Variants in SGCZ observed in about 807,000 individuals in gnomAD.
SGCZ encodes the protein zeta-sarcoglycan.
SGCZ carries 40 observed loss-of-function variants against 41.3 expected under a neutral mutation model. That is an observed-to-expected ratio of 0.97 (90% CI 0.75 to 1.26). The LOEUF is 1.26. Among genes scored for constraint, SGCZ ranks in the 50% most tolerant of loss-of-function variants. The pLI, the probability that SGCZ is intolerant of heterozygous loss-of-function variation, is 0.00. For missense variants in SGCZ, 552 were observed against 369.8 expected, an observed-to-expected ratio of 1.49 and a Z score of -4.04; for synonymous variants, 206 against 137.5, an observed-to-expected ratio of 1.50 and a Z score of -3.49.
intron 1 of SGCZ, among the ~76,000 whole-genome samples, chr8:14,795,883 T>C (rs1242434882): frequency 6.6e-6 from 1 of 152,150 alleles, no homozygotes; most frequent in Non-Finnish European, 1.5e-5. Context: ...TGTCCATATG[T>C]TCTCATTATT....
intron 3 of SGCZ, among the ~76,000 whole-genome samples, chr8:14,313,951 T>C (rs1000316203): frequency 7.0e-6 from 1 of 142,084 alleles, no homozygotes; most frequent in Non-Finnish European, 1.5e-5. Flanking sequence ...TGTGTGTGTG[T>C]GTGTTGGTGG....
At chr8:14,187,295 A>G (rs978136654) in intron 4 of SGCZ, among the ~76,000 whole-genome samples, 2 of 152,258 alleles carry the variant, frequency 1.3e-5, no homozygotes, top group Non-Finnish European at 1.5e-5. Flanking sequence ...ATGTTCAACA[A>G]AATTATGAGA....
chr8:14,148,514 G>A (rs1803597430), intron 5 of SGCZ, among the ~76,000 whole-genome samples: 1 of 151,786 alleles, frequency 6.6e-6, no homozygotes, highest in South Asian at 2.1e-4. Context: ...AGACCAATAA[G>A]AAGTACAAGA....
Position 15,063,139 on chromosome 8 carries a change from C to T in SGCZ, c.39+174446G>A, listed in dbSNP as rs556173359. Among the ~76,000 whole-genome samples the T allele has an allele frequency of 2.5e-4, 38 of 152,182 alleles. No homozygotes were observed. In the South Asian group the frequency reaches 7.1e-3, roughly 28 times the overall value. ...CTGGCTCAGCATTAATGAAGTTCCA[C>T]GGTGCTATGTATGATTTCCCACTAG... is the stretch of plus-strand genomic sequence containing the variant. On this transcript the variant is annotated intron_variant, in intron 1 of 7. Coordinates refer to ENST00000382080, the MANE Select transcript of SGCZ (RefSeq NM_139167.4).
chr8:14,566,493 T>A (rs760433419), intron 1 of SGCZ, among the ~76,000 whole-genome samples: 5 of 152,142 alleles, frequency 3.3e-5, no homozygotes, highest in Admixed American at 6.5e-5. Context: ...CAAGAGACAA[T>A]GGACCCAAGA....
chr8:14,771,469 T>G (rs1216104081), intron 1 of SGCZ, among the ~76,000 whole-genome samples: 1 of 152,170 alleles, frequency 6.6e-6, no homozygotes, highest in Non-Finnish European at 1.5e-5. Context: ...GATTTTTTGT[T>G]TTACTTGAAT....
At chr8:14,175,126 T>G (rs1551917) in intron 4 of SGCZ, among the ~76,000 whole-genome samples, 116,482 of 151,984 alleles carry the variant, frequency 0.77, 45,853 homozygotes, top group East Asian at 0.87. Flanking sequence ...ACCTATAAAA[T>G]GTGTCTTCAA....
At chr8:14,955,718 T>G (rs1800769883) in intron 1 of SGCZ, among the ~76,000 whole-genome samples, 1 of 151,816 alleles carries the variant, frequency 6.6e-6, no homozygotes, top group African/African-American at 2.4e-5. Flanking sequence ...TATCAAGACC[T>G]TTTTTTTCAT....
At chr8:14,416,966 G>A (rs11782514) in intron 2 of SGCZ, among the ~76,000 whole-genome samples, 83,007 of 151,580 alleles carry the variant, frequency 0.55, 24,073 homozygotes, top group South Asian at 0.74. Context: ...TCCAACATAA[G>A]GCAGGGTTAT....
intron 4 of SGCZ, among the ~76,000 whole-genome samples, chr8:14,186,127 C>T (rs1454248359): frequency 6.6e-6 from 1 of 152,184 alleles, no homozygotes; most frequent in African/African-American, 2.4e-5. Flanking sequence ...TACTAGAGTT[C>T]CTTGTCTCAG....
chr8:15,183,066 C>T (rs1045061720), intron 1 of SGCZ, among the ~76,000 whole-genome samples: 1 of 152,188 alleles, frequency 6.6e-6, no homozygotes, highest in South Asian at 2.1e-4. Context: ...CCTTCAGGGG[C>T]AGTAACAGGC....
intron 1 of SGCZ, among the ~76,000 whole-genome samples, chr8:15,037,991 A>C (rs570698057): frequency 1.3e-4 from 20 of 152,278 alleles, no homozygotes; most frequent in African/African-American, 4.8e-4. Context: ...TCATGTTCAT[A>C]GAATGAAATA....
intron 2 of SGCZ, among the ~76,000 whole-genome samples, chr8:14,398,710 G>T (rs1798988260): frequency 6.6e-6 from 1 of 152,074 alleles, no homozygotes; most frequent in Non-Finnish European, 1.5e-5. Flanking sequence ...CTGATTTACA[G>T]AAATAACATT....
intron 1 of SGCZ, among the ~76,000 whole-genome samples, chr8:15,236,501 T>C (rs917204017): frequency 2.0e-5 from 3 of 152,020 alleles, no homozygotes; most frequent in Admixed American, 1.3e-4. Flanking sequence ...ACCTCTGAAA[T>C]AGTAGAACGT....
rs573058817 is a variant in SGCZ, at chr8:15,169,701, G to A, written c.39+67884C>T. Among the ~76,000 whole-genome samples the A allele has an allele frequency of 3.3e-5, 5 of 152,298 alleles. No homozygotes were observed. The South Asian group carries it at 8.3e-4, about 25-fold the overall frequency. ...GGGCTTTCTTTCCAGGTTGCACACTGCTCATTTCCTGTATCTTCACATGGT... is the reference window on the plus strand; with the variant it reads ...GGGCTTTCTTTCCAGGTTGCACACTACTCATTTCCTGTATCTTCACATGGT... On this transcript the variant is annotated intron_variant, in intron 1 of 7. Coordinates refer to ENST00000382080, the MANE Select transcript of SGCZ (RefSeq NM_139167.4).
chr8:14,982,181 C>T (rs889820796), intron 1 of SGCZ, among the ~76,000 whole-genome samples: 2 of 150,970 alleles, frequency 1.3e-5, no homozygotes, highest in Admixed American at 1.3e-4. Flanking sequence ...AAGGAAATGA[C>T]ATTATTTGAA....
rs368775054 is a variant in SGCZ at position 14,584,676 on chromosome 8, T to C, written c.40-29750A>G. Among the ~76,000 whole-genome samples, 4 of 152,224 alleles carry C rather than the reference T, an allele frequency of 2.6e-5. No homozygotes were observed. The South Asian group carries it at 6.2e-4, about 24-fold the overall frequency. On this transcript the variant is annotated intron_variant, in intron 1 of 7. Coordinates refer to ENST00000382080, the MANE Select transcript of SGCZ (RefSeq NM_139167.4). The stretch of plus-strand genomic sequence containing the variant: ...CCAAAAGCACGCTAAATTTAATTTT[T>C]TTATTCATAGTATCTAGAGTAGTAC...
At chr8:14,147,111 C>A (rs1803551471) in intron 5 of SGCZ, among the ~76,000 whole-genome samples, 1 of 151,510 alleles carries the variant, frequency 6.6e-6, no homozygotes, top group African/African-American at 2.4e-5. Flanking sequence ...CAAATATGTA[C>A]AATAGATACA....
intron 2 of SGCZ, among the ~76,000 whole-genome samples, chr8:14,335,457 G>C (rs1345366413): frequency 6.6e-6 from 1 of 151,942 alleles, no homozygotes; most frequent in Non-Finnish European, 1.5e-5. Context: ...TACAGATGCT[G>C]GTAATCACCC....
Sources: allele counts gnomAD v4.1 joint callset (sites outside exome capture counted in the v4.1 genomes callset), GRCh38; gene constraint gnomAD v4.1.1; transcripts MANE v1.5; gene names NCBI Gene and HGNC (gene_info 2026-07-23, HGNC 2026-07-21).